The following EIF3I variants were observed in gnomAD, a reference collection of about 807,000 sequenced individuals.
EIF3I encodes the protein TGF-beta receptor-interacting protein 1.
Under a neutral mutation model 43.3 loss-of-function variants are expected in EIF3I, and 20 were observed. That is an observed-to-expected ratio of 0.46 (90% CI 0.32 to 0.67). EIF3I has a LOEUF of 0.67. Among genes scored for constraint, EIF3I ranks in the 30% least tolerant of loss-of-function variants. The pLI, the probability that EIF3I is intolerant of heterozygous loss-of-function variation, is 0.03. For synonymous variants in EIF3I, 167 were observed against 151.7 expected, an observed-to-expected ratio of 1.10 and a Z score of -0.74; for missense variants, 279 against 421.4, an observed-to-expected ratio of 0.66 and a Z score of 2.96.
chr1:32,222,430 G>C (rs780568811), exon 1 of EIF3I: 2 of 1,596,060 alleles, frequency 1.3e-6, no homozygotes, highest in African/African-American at 2.7e-5. Flanking sequence ...CCTTCCTCGC[G>C]TCACAGCCGG....
At chr1:32,227,657 C>T (rs1448812243) in intron 6 of EIF3I, among the ~76,000 whole-genome samples, 3 of 151,918 alleles carry the variant, frequency 2.0e-5, no homozygotes, top group Non-Finnish European at 4.4e-5. Flanking sequence ...TGCCTTTGGT[C>T]CCAGGTACTC....
chr1:32,228,970 G>A (rs767839949), intron 8 of EIF3I, among the ~76,000 whole-genome samples, 154 bp downstream of exon 8: 6 of 152,198 alleles, frequency 3.9e-5, no homozygotes, highest in Admixed American at 1.3e-4. Flanking sequence ...GGATTGAATA[G>A]CCCCAGGGCA....
chr1:32,224,909 C>T (rs1050846065), intron 4 of EIF3I, among the ~76,000 whole-genome samples: 3 of 152,094 alleles, frequency 2.0e-5, no homozygotes, highest in African/African-American at 7.2e-5. Context: ...TCTTGGCTTA[C>T]TGCAACCTCC....
rs1018886031 is a variant in EIF3I at position 32,228,278 on chromosome 1, G to A, written c.529-221G>A. 2.4e-4 allele frequency among the ~76,000 whole-genome samples: 37 copies of A among 152,164 alleles called. 1 individual carries two copies. The highest frequency in any genetic ancestry group is 8.4e-4 in the African/African-American group (35 of 41,428). On this transcript the variant is annotated intron_variant, in intron 6 of 11. Transcript: ENST00000676679. ...CCAGATTTTCCTTCCAACAGCTTTT[G>A]CAGTTTATGTTTGGAGAGTGAACCT...
intron 4 of EIF3I, among the ~76,000 whole-genome samples, chr1:32,224,858 T>C (rs1314321004): frequency 6.7e-6 from 1 of 149,080 alleles, no homozygotes; most frequent in Admixed American, 6.7e-5. Context: ...TTGAGACAGA[T>C]TCTCTCGCTG....
chr1:32,233,631 T>C (rs1351564114), downstream of EIF3I, among the ~76,000 whole-genome samples: 1 of 152,144 alleles, frequency 6.6e-6, no homozygotes, highest in Admixed American at 6.6e-5. Context: ...ACCGATGAGA[T>C]TGAGACTCAG....
At chr1:32,232,625 T>C (rs1477020347), downstream of EIF3I, among the ~76,000 whole-genome samples, 1 of 152,108 alleles carries the variant, frequency 6.6e-6, no homozygotes, top group Non-Finnish European at 1.5e-5. Context: ...ACAATGAAGA[T>C]GCAGAGAACA....
intron 4 of EIF3I, among the ~76,000 whole-genome samples, chr1:32,225,042 C>G (rs1202003024): frequency 6.6e-6 from 1 of 152,170 alleles, no homozygotes; most frequent in Non-Finnish European, 1.5e-5. Flanking sequence ...CCATGTTGGC[C>G]AGACTGGTCT....
downstream of EIF3I, among the ~76,000 whole-genome samples, chr1:32,232,420 G>C (rs1412489231): frequency 2.6e-5 from 4 of 152,190 alleles, no homozygotes; most frequent in African/African-American, 9.6e-5. Context: ...AACCAATTTA[G>C]TTTTGCCTCA....
At chr1:32,232,615 A>T (rs1031390715), downstream of EIF3I, among the ~76,000 whole-genome samples, 2 of 152,210 alleles carry the variant, frequency 1.3e-5, no homozygotes, top group African/African-American at 4.8e-5. Flanking sequence ...AAAATTGATA[A>T]CAATGAAGAT....
downstream of EIF3I, among the ~76,000 whole-genome samples, chr1:32,232,680 A>T (rs982733958): frequency 2.0e-5 from 3 of 152,346 alleles, no homozygotes; most frequent in East Asian, 5.8e-4. Context: ...ACCAGTGTGG[A>T]TGAAGACGGG....
chr1:32,230,880 T>G (rs773810671), intron 10 of EIF3I, 47 bp from the exon 10 acceptor site: 2 of 1,456,362 alleles, frequency 1.4e-6, no homozygotes, highest in Middle Eastern at 2.2e-4. Context: ...TCCAAAGTGT[T>G]TTGGAAGAAG....
chr1:32,234,281 G>C (rs1639273487), downstream of EIF3I: 1 of 149,296 alleles, frequency 6.7e-6, no homozygotes. Flanking sequence ...CCAGGCGACA[G>C]GTGACAGAGC....
chr1:32,229,976 C>G (rs775704388), intron 9 of EIF3I, among the ~76,000 whole-genome samples: 1 of 152,148 alleles, frequency 6.6e-6, no homozygotes, highest in African/African-American at 2.4e-5. Flanking sequence ...AAGCACTGCC[C>G]AGCACATAGT....
intron 9 of EIF3I, among the ~76,000 whole-genome samples, chr1:32,229,547 C>G (rs1237664477): frequency 9.6e-6 from 1 of 104,490 alleles, no homozygotes; most frequent in African/African-American, 3.7e-5. Context: ...CGTGCCCAGC[C>G]TTTTTTTTTT....
At chr1:32,229,547 CTTTTTTTTTT>C (rs1199129615) in intron 9 of EIF3I, among the ~76,000 whole-genome samples, 3 of 104,490 alleles carry the variant, frequency 2.9e-5, no homozygotes, top group Admixed American at 1.1e-4. Flanking sequence ...CGTGCCCAGC[CTTTTTTTTTT>C]TTTTTTTTTT....
At chr1:32,229,010 C>G in intron 8 of EIF3I, 125 bp from the exon 9 acceptor site, 2 of 1,162,918 alleles carry the variant, frequency 1.7e-6, no homozygotes, top group South Asian at 2.9e-5. Flanking sequence ...AGTGTCTGAT[C>G]ATCCCCTACC....
downstream of EIF3I, among the ~76,000 whole-genome samples, chr1:32,232,844 A>T (rs1009934731): frequency 6.6e-6 from 1 of 152,180 alleles, no homozygotes; most frequent in Non-Finnish European, 1.5e-5. Context: ...TGAGCAACAG[A>T]AGATAACTAA....
chr1:32,228,575 T>G, exon 7 of EIF3I: 1 of 1,614,198 alleles, frequency 6.2e-7, no homozygotes, highest in South Asian at 1.1e-5. Flanking sequence ...GACATGACCA[T>G]GTTTGTGACC....
Sources: gnomAD v4.1 joint callset for allele counts (sites outside exome capture counted in the v4.1 genomes callset) on GRCh38, gnomAD v4.1.1 for gene constraint, MANE v1.5 for transcripts, NCBI Gene and HGNC (gene_info 2026-07-23, HGNC 2026-07-21) for gene names.